PCDHGA5: variants seen among roughly 807,000 people sequenced by gnomAD.
PCDHGA5 encodes the protein protocadherin gamma subfamily A, 5, also known as protocadherin gamma-A5.
A neutral mutation model predicts 56.7 loss-of-function variants in PCDHGA5; 36 were observed. The ratio of observed to expected loss-of-function variants is 0.64; its 90% CI spans 0.49 to 0.84. PCDHGA5 has a LOEUF of 0.84. Among genes scored for constraint, PCDHGA5 ranks in the 40% least tolerant of loss-of-function variants. The pLI is 0.00. For missense variants in PCDHGA5, 1,305 were observed against 1,201.5 expected (o/e 1.09, Z -1.27); for synonymous variants, 563 against 520.2 (o/e 1.08, Z -1.12).
rs1023140435 is a variant in PCDHGA5, at chr5:141,415,749, T to G, written c.2421+48998T>G. The G allele has an allele frequency of 4.7e-4, 569 of 1,213,970 alleles. 1 individual carries two copies. Among genetic ancestry groups the G allele is most frequent in the Admixed American group, 3.5e-3 (90 of 25,886 alleles). The allele number at this position is 1,213,970 out of a possible 1,614,324, so 75.2% of individuals were successfully genotyped here. The stretch of plus-strand genomic sequence containing the variant: ...TTTGATGTTTATTAAGGTTTTTTTT[T>G]TTTTTTTTTTTTTTTTTTTTTTTAC... On this transcript the variant is annotated intron_variant, in intron 1 of 3. Transcript: ENST00000518069.
intron 1 of PCDHGA5, chr5:141,399,900 C>A (rs752796935): frequency 6.2e-7 from 1 of 1,612,532 alleles, no homozygotes; most frequent in African/African-American, 1.3e-5. Flanking sequence ...TGGCCGTGGA[C>A]GCAGACTCAG....
chr5:141,386,921 A>G (rs2090747482), intron 1 of PCDHGA5, among the ~76,000 whole-genome samples: 1 of 152,228 alleles, frequency 6.6e-6, no homozygotes. Flanking sequence ...GGAATGTAAA[A>G]TAAGTGCAGA....
chr5:141,389,914 C>G (rs754458764), intron 1 of PCDHGA5: 1 of 1,614,074 alleles, frequency 6.2e-7, no homozygotes, highest in Non-Finnish European at 8.5e-7. Flanking sequence ...ACTGACCGCC[C>G]CGACCCCTCT....
At chr5:141,433,070 CCCCAG>C in intron 1 of PCDHGA5, 1 of 1,614,174 alleles carries the variant, frequency 6.2e-7, no homozygotes, top group Non-Finnish European at 8.5e-7. Context: ...CCTGATCTTC[CCCCAG>C]CCCAACTATG....
chr5:141,490,497 C>G lies in PCDHGA5; in HGVS notation c.2422-4310C>G. The stretch of plus-strand genomic sequence containing the variant: ...CTTTGGACCGGGAGGCCACATCCCA[C>G]TATATCATCGAGCTGCTGGCCAGCG... On this transcript the variant is annotated intron_variant, in intron 1 of 3. Transcript: ENST00000518069. The surrounding 1 kb of genome is among the most constrained non-coding windows in gnomAD (Gnocchi z 5.4). 6.2e-7 allele frequency: 1 copy of G among 1,614,196 alleles called. No individual in the cohort carries two copies. Among genetic ancestry groups the G allele is most frequent in the South Asian group, 1.1e-5 (1 of 91,084 alleles).
chr5:141,471,427 AGT>A (rs1475862025), intron 1 of PCDHGA5: 1 of 152,188 alleles, frequency 6.6e-6, no homozygotes, highest in Non-Finnish European at 1.5e-5. Flanking sequence ...TAGCAAGGAA[AGT>A]GTATAATCTC....
chr5:141,438,623 TATATATATATATACACAC>T (rs1435936123), intron 1 of PCDHGA5, among the ~76,000 whole-genome samples: 532 of 42,826 alleles, frequency 0.012, 5 homozygotes, highest in African/African-American at 0.075. Flanking sequence ...TATATATATA[TATATATATATATACACAC>T]ACACACACAC....
At chr5:141,403,811 A>C in intron 1 of PCDHGA5, 1 of 1,613,930 alleles carries the variant, frequency 6.2e-7, no homozygotes, top group Non-Finnish European at 8.5e-7. Flanking sequence ...AATTAATGAA[A>C]AACAATCTCT....
intron 1 of PCDHGA5, among the ~76,000 whole-genome samples, chr5:141,447,725 C>T (rs1009407606): frequency 1.3e-5 from 2 of 152,174 alleles, no homozygotes; most frequent in African/African-American, 4.8e-5. Context: ...TTTTCCAAAA[C>T]TCATTGAACT....
chr5:141,399,515 C>A, intron 1 of PCDHGA5: 13 of 1,614,040 alleles, frequency 8.1e-6, no homozygotes, highest in Non-Finnish European at 1.1e-5. Flanking sequence ...AACAACCCTC[C>A]TGGGGCCTCC....
chr5:141,383,610 C>T, intron 1 of PCDHGA5: 1 of 1,613,818 alleles, frequency 6.2e-7, no homozygotes, highest in South Asian at 1.1e-5. Flanking sequence ...ATGTGAATGA[C>T]CACACGCCTG....
In PCDHGA5 at chr5:141,491,219, C is replaced by T; in HGVS notation, c.2422-3588C>T. ...GGTGACCCTTCACTCTCCTCCACAG[C>T]CACAGTGCTGCTGGTTCTGGAGGAT... is the stretch of plus-strand genomic sequence containing the variant. On this transcript the variant is annotated intron_variant, in intron 1 of 3. Coordinates refer to ENST00000518069, the MANE Select transcript of PCDHGA5 (RefSeq NM_018918.3). The surrounding 1 kb of genome is among the most constrained non-coding windows in gnomAD (Gnocchi z 6.9). 3 of 1,614,208 alleles carry T rather than the reference C, an allele frequency of 1.9e-6. No homozygotes were observed. The highest frequency in any genetic ancestry group is 2.5e-6 in the Non-Finnish European group (3 of 1,180,028).
chr5:141,393,041 T>G, intron 1 of PCDHGA5: 2 of 1,613,702 alleles, frequency 1.2e-6, no homozygotes, highest in Non-Finnish European at 1.7e-6. Flanking sequence ...AGCTCTTTGC[T>G]CTGAACCCGC....
chr5:141,376,025 G>C, intron 1 of PCDHGA5: 1 of 1,613,266 alleles, frequency 6.2e-7, no homozygotes, highest in Non-Finnish European at 8.5e-7. Context: ...GGCCGTCCAG[G>C]ACCACGGCCA....
At chr5:141,427,934 G>A (rs746648152) in intron 1 of PCDHGA5, 42 of 1,584,338 alleles carry the variant, frequency 2.7e-5, no homozygotes, top group Non-Finnish European at 3.6e-5. Context: ...GCATGTTGGT[G>A]GGCGACCTCA....
intron 1 of PCDHGA5, chr5:141,414,687 T>G: frequency 1.2e-6 from 2 of 1,614,004 alleles, no homozygotes; most frequent in East Asian, 4.5e-5. Flanking sequence ...AGGGGGTACC[T>G]CTGTCCTCAT....
chr5:141,484,374 T>C (rs1261372490), intron 1 of PCDHGA5, among the ~76,000 whole-genome samples: 1 of 152,186 alleles, frequency 6.6e-6, no homozygotes, highest in Non-Finnish European at 1.5e-5. Context: ...CACTAGCAAA[T>C]GTCTGAATAA....
intron 1 of PCDHGA5, among the ~76,000 whole-genome samples, chr5:141,457,444 G>T (rs1253183319): frequency 6.6e-6 from 1 of 152,134 alleles, no homozygotes; most frequent in African/African-American, 2.4e-5. Context: ...AGCTGCAGAA[G>T]ATCACCACTT....
At chr5:141,488,159 C>T (rs888153570) in intron 1 of PCDHGA5, among the ~76,000 whole-genome samples, 1 of 152,126 alleles carries the variant, frequency 6.6e-6, no homozygotes, top group Non-Finnish European at 1.5e-5. Flanking sequence ...GAGAGGCACG[C>T]ATCAGAGTGG....
Sources: gnomAD v4.1 joint callset for allele counts (sites outside exome capture counted in the v4.1 genomes callset) on GRCh38, gnomAD v4.1.1 for gene constraint, Gnocchi (gnomAD v3.1) non-coding constraint, MANE v1.5 for transcripts, NCBI Gene and HGNC (gene_info 2026-07-23, HGNC 2026-07-21) for gene names.